GUCY2F: variants seen among roughly 807,000 people sequenced by gnomAD.
GUCY2F encodes the protein guanylate cyclase 2F, retinal.
A neutral mutation model predicts 73.1 loss-of-function variants in GUCY2F; 61 were observed. That is an observed-to-expected ratio of 0.83 (90% CI 0.68 to 1.03). The LOEUF (loss-of-function observed/expected upper bound fraction) is 1.03. GUCY2F is among the 50% of genes least tolerant of loss of function. GUCY2F has a pLI of 0.00. For synonymous variants in GUCY2F, 331 were observed against 307.8 expected, an observed-to-expected ratio of 1.08 and a Z score of -0.79; for missense variants, 912 against 854.3, an observed-to-expected ratio of 1.07 and a Z score of -0.84.
intron 5 of GUCY2F, among the ~76,000 whole-genome samples, chrX:109,450,578 ACTTTATT>A (rs1442543073): frequency 1.8e-5 from 2 of 112,406 alleles, no homozygotes; most frequent in African/African-American, 6.5e-5. Context: ...TTAATTAAAT[ACTTTATT>A]CTTTGGCAGC....
intron 17 of GUCY2F, among the ~76,000 whole-genome samples, chrX:109,380,537 T>C (rs964248019): frequency 8.1e-5 from 9 of 110,921 alleles, no homozygotes; most frequent in African/African-American, 3.0e-4. Flanking sequence ...CCCTCTTCTC[T>C]TCCCTCTTAA....
chrX:109,431,731 C>G (rs1420363134), intron 7 of GUCY2F, among the ~76,000 whole-genome samples: 1 of 107,477 alleles, frequency 9.3e-6, no homozygotes, highest in Non-Finnish European at 1.9e-5. Flanking sequence ...TAACCACTCT[C>G]TTATTAAGGA....
chrX:109,448,248 T>A (rs1932066809), intron 5 of GUCY2F, 83 bp from the exon 6 acceptor site: 1 of 507,691 alleles, frequency 2.0e-6, no homozygotes, highest in Non-Finnish European at 3.5e-6. Context: ...AGATAGCACT[T>A]AAAGAATATA....
At position 109,376,104 on chromosome X, in the gene GUCY2F, C is replaced by T. The variant is rs1485718506; in HGVS notation, c.3214G>A (p.Val1072Met). 1.7e-6 allele frequency: 2 copies of T among 1,202,443 alleles called. No homozygotes were observed. The highest frequency in any genetic ancestry group is 4.4e-5 in the Admixed American group (2 of 45,870). The change falls in exon 18 of 20, where the codon GTG (valine) becomes ATG (methionine). Residue 1072 changes from valine to methionine, a missense_variant. Physicochemically the swap from Val to Met is conservative, Grantham distance 21. Transcript: ENST00000218006. ...CCATCTTTGTCCACTGGTGGGGGCACAGGAAGGGGCTTCATGAAGCCTTTT... is the reference window on the plus strand; with the variant it reads ...CCATCTTTGTCCACTGGTGGGGGCATAGGAAGGGGCTTCATGAAGCCTTTT... Reference protein sequence around the residue: ...GKKGFMKPLPVPPPVDKDGQV... With the variant: ...GKKGFMKPLPMPPPVDKDGQV...
intron 4 of GUCY2F, 107 bp downstream of exon 4, chrX:109,453,398 A>G (rs112459245): frequency 0.019 from 8,991 of 462,239 alleles, 442 homozygotes; most frequent in African/African-American, 0.16. Flanking sequence ...GAATGCAAAT[A>G]ACTGATTTTA....
At chrX:109,427,705 A>G (rs573583998) in intron 8 of GUCY2F, among the ~76,000 whole-genome samples, 2 of 112,494 alleles carry the variant, frequency 1.8e-5, no homozygotes, top group South Asian at 7.4e-4. Context: ...GCATTAAAGC[A>G]CATCTACATG....
chrX:109,416,811 C>T (rs1931254172), intron 8 of GUCY2F, among the ~76,000 whole-genome samples: 1 of 109,206 alleles, frequency 9.2e-6, no homozygotes, highest in African/African-American at 3.3e-5. Context: ...AATACCTAGA[C>T]ATTTAACAGT....
chrX:109,388,365 T>C (rs1160366543), intron 15 of GUCY2F, 124 bp downstream of exon 15: 1 of 554,584 alleles, frequency 1.8e-6, no homozygotes, highest in East Asian at 3.4e-5. Flanking sequence ...AAAGGAATTA[T>C]GCAGCCCGGA....
intron 19 of GUCY2F, among the ~76,000 whole-genome samples, chrX:109,374,485 G>T (rs1327106349): frequency 8.9e-6 from 1 of 111,984 alleles, no homozygotes; most frequent in East Asian, 2.8e-4. Context: ...AGCCAATGAT[G>T]GTAAGTGAGT....
chrX:109,425,365 G>C (rs1229799972), intron 8 of GUCY2F, among the ~76,000 whole-genome samples: 3 of 106,920 alleles, frequency 2.8e-5, no homozygotes, highest in Non-Finnish European at 5.8e-5. Context: ...GTGTGTGTGT[G>C]TGTATAGATA....
chrX:109,391,652 C>G lies in GUCY2F; in HGVS notation c.2781+259G>C, dbSNP rs146580941. Reference sequence around the variant, plus strand: ...TCCCAACATCTTCTTAGTCCCAATTCTAGAAAAAAAGTTCAAAAGAAATCT... The same window carrying G: ...TCCCAACATCTTCTTAGTCCCAATTGTAGAAAAAAAGTTCAAAAGAAATCT... On this transcript the variant is annotated intron_variant, in intron 14 of 19. Coordinates refer to ENST00000218006, the MANE Select transcript of GUCY2F (RefSeq NM_001522.3). Among the ~76,000 whole-genome samples the G allele has an allele frequency of 1.9e-3, 214 of 111,523 alleles. 5 individuals are homozygous for G. In the East Asian group the frequency reaches 0.052, roughly 27 times the overall value.
At chrX:109,480,209 C>T (rs16985762) in intron 1 of GUCY2F, among the ~76,000 whole-genome samples, 11,571 of 111,258 alleles carry the variant, frequency 0.1, 1,514 homozygotes, top group African/African-American at 0.36. Flanking sequence ...TCTAGCACAG[C>T]TCTCTCTGCC....
intron 7 of GUCY2F, among the ~76,000 whole-genome samples, chrX:109,434,614 G>A (rs1005746859): frequency 9.1e-6 from 1 of 109,998 alleles, no homozygotes; most frequent in African/African-American, 3.4e-5. Flanking sequence ...TTGCTGTGCA[G>A]AAGCTCTTTA....
chrX:109,418,741 TAATAAC>T (rs1931300839), intron 8 of GUCY2F, among the ~76,000 whole-genome samples: 1 of 108,898 alleles, frequency 9.2e-6, no homozygotes. Flanking sequence ...AAGAAGGAAA[TAATAAC>T]AATAAGAGCA....
intron 18 of GUCY2F, 26 bp downstream of exon 18, chrX:109,376,053 T>C: frequency 8.7e-7 from 1 of 1,154,976 alleles, no homozygotes; most frequent in Non-Finnish European, 1.2e-6. Flanking sequence ...ATAGGAAGAC[T>C]CCAATTAAAT....
At position 109,385,242 on chromosome X, in the gene GUCY2F, T is replaced by A; in HGVS notation, c.2997A>T (p.Arg999Ser). 2 of 1,197,294 alleles carry A rather than the reference T, an allele frequency of 1.7e-6. No individual in the cohort carries two copies. Among genetic ancestry groups the A allele is most frequent in the Non-Finnish European group, 2.3e-6 (2 of 883,713 alleles). ...VAGVVGLTMP[R>S]YCLFGDTVNT... is the part of the protein sequence containing the mutation. ...TCACAGTGTCTCCAAACAAGCAGTA[T>A]CTGGGCATGGTGAGGCCCACCACTC... is the stretch of plus-strand genomic sequence containing the variant. Residue 999 changes from arginine (R) to serine (S), a missense_variant, in exon 16 of 20, where the codon AGA (arginine) becomes AGT (serine). Physicochemically the swap from Arg to Ser is moderately radical, Grantham distance 110 (BLOSUM62 -1). Transcript: ENST00000218006.
intron 16 of GUCY2F, chrX:109,383,535 T>C (rs1473317042): frequency 1.1e-5 from 2 of 175,376 alleles, no homozygotes; most frequent in African/African-American, 6.2e-5. Context: ...GAGGAGAGGC[T>C]ACCTCTCTAC....
At chrX:109,376,714 G>C (rs1339970307) in intron 17 of GUCY2F, among the ~76,000 whole-genome samples, 1 of 111,675 alleles carries the variant, frequency 9.0e-6, no homozygotes, top group African/African-American at 3.3e-5. Flanking sequence ...TCCATCTATA[G>C]GTCAGTTACT....
At chrX:109,455,170 C>A (rs1212507900) in intron 3 of GUCY2F, among the ~76,000 whole-genome samples, 3 of 110,995 alleles carry the variant, frequency 2.7e-5, no homozygotes, top group African/African-American at 9.8e-5. Context: ...AGTTTGATAC[C>A]CCAGTAATCA....
Sources: allele counts gnomAD v4.1 joint callset (sites outside exome capture counted in the v4.1 genomes callset), GRCh38; gene constraint gnomAD v4.1.1; transcripts MANE v1.5; gene names NCBI Gene and HGNC (gene_info 2026-07-23, HGNC 2026-07-21).